The following TMEM91 variants were observed in gnomAD, a reference collection of about 807,000 sequenced individuals.
The protein encoded by TMEM91 is transmembrane protein 91.
TMEM91 carries 6 observed loss-of-function variants against 13.3 expected under a neutral mutation model. The observed-to-expected ratio is 0.45, with a 90% confidence interval of 0.25 to 0.89. TMEM91 has a LOEUF of 0.89. Among genes scored for constraint, TMEM91 ranks in the 40% least tolerant of loss-of-function variants. TMEM91 has a pLI of 0.19. For missense variants in TMEM91, 193 were observed against 228.7 expected (o/e 0.84, Z 1.01); for synonymous variants, 87 against 101.7 (o/e 0.86, Z 0.87).
Position 41,383,900 on chromosome 19 carries a change from C to T in TMEM91, c.*27C>T. The T allele has an allele frequency of 1.1e-5, 18 of 1,586,926 alleles. No individual in the cohort carries two copies. Among genetic ancestry groups the T allele is most frequent in the Non-Finnish European group, 1.5e-5 (18 of 1,169,636 alleles). ...TGCCCCTACAGCCCTCACTGTGAACCCTGAGGCCGGCAGCCCAGCAAATCT... is the reference window on the plus strand; with the variant it reads ...TGCCCCTACAGCCCTCACTGTGAACTCTGAGGCCGGCAGCCCAGCAAATCT... On this transcript the variant is annotated 3_prime_UTR_variant, in exon 4 of 4. Transcript: ENST00000392002.
At chr19:41,380,985 T>C (rs1211900193) in intron 2 of TMEM91, among the ~76,000 whole-genome samples, 1 of 137,886 alleles carries the variant, frequency 7.3e-6, no homozygotes, top group Non-Finnish European at 1.5e-5. Flanking sequence ...TTTGGGAGGC[T>C]GAGGCAGGAG....
intron 1 of TMEM91, among the ~76,000 whole-genome samples, chr19:41,365,720 T>G (rs1167358509): frequency 7.0e-6 from 1 of 143,658 alleles, no homozygotes; most frequent in Non-Finnish European, 1.5e-5. Flanking sequence ...TTTTTTTTTT[T>G]TTTTTTTTTT....
chr19:41,376,931 T>G (rs1169620715), intron 1 of TMEM91, 77 bp downstream of exon 1: 2 of 152,226 alleles, frequency 1.3e-5, no homozygotes, highest in African/African-American at 2.4e-5. Flanking sequence ...AGGGCAAAGC[T>G]TTGGCGAGGA....
chr19:41,368,471 T>G, intron 1 of TMEM91, among the ~76,000 whole-genome samples: 1 of 151,288 alleles, frequency 6.6e-6, no homozygotes, highest in Non-Finnish European at 1.5e-5. Flanking sequence ...TCTCGTTCTG[T>G]GGGCCAGGGC....
intron 1 of TMEM91, 25 bp downstream of exon 1, chr19:41,376,879 G>T (rs1427587648): frequency 6.6e-6 from 1 of 152,426 alleles, no homozygotes; most frequent in Non-Finnish European, 1.5e-5. Flanking sequence ...TAGGTGGGTG[G>T]GGGTCACAGT....
At chr19:41,373,882 C>A, upstream of TMEM91, 1 of 151,758 alleles carries the variant, frequency 6.6e-6, no homozygotes, top group South Asian at 2.1e-4. Flanking sequence ...TTTGCTATGT[C>A]GCCCAGGCTG....
intron 1 of TMEM91, among the ~76,000 whole-genome samples, chr19:41,367,695 A>G (rs916693992): frequency 6.6e-6 from 1 of 152,216 alleles, no homozygotes; most frequent in Admixed American, 6.5e-5. Flanking sequence ...GTGCAGTGGC[A>G]CAATCACAGC....
chr19:41,378,407 C>G lies in TMEM91; in HGVS notation c.98C>G (p.Ser33Cys). The G allele has an allele frequency of 6.2e-7, 1 of 1,614,212 alleles. No homozygotes were observed. The highest frequency in any genetic ancestry group is 1.1e-5 in the South Asian group (1 of 91,092). The change falls in exon 2 of 4, where the codon TCC (serine) becomes TGC (cysteine). Residue 33 changes from serine (S) to cysteine (C), a missense_variant. Coordinates refer to ENST00000392002, the MANE Select transcript of TMEM91 (RefSeq NM_001098821.2). Reference sequence around the variant, plus strand: ...AAGCCTGGCAGGCATGAGCTGGGGTCCCCCTTAAGAGAGATAGCCTTTGCC... The same window carrying G: ...AAGCCTGGCAGGCATGAGCTGGGGTGCCCCTTAAGAGAGATAGCCTTTGCC... ...AQKPGRHELG[S>C]PLREIAFAES...
chr19:41,366,327 T>C (rs2038527373), intron 1 of TMEM91, among the ~76,000 whole-genome samples: 1 of 152,100 alleles, frequency 6.6e-6, no homozygotes, highest in South Asian at 2.1e-4. Context: ...TCAGGAAATC[T>C]TACTGCCTCT....
chr19:41,379,892 T>TC, intron 2 of TMEM91, among the ~76,000 whole-genome samples: 1 of 142,452 alleles, frequency 7.0e-6, no homozygotes. Context: ...GGCTTCCTTT[T>TC]TTTTTTTTTT....
In TMEM91 at chr19:41,378,512, A is replaced by C. The variant is rs1458909129; in HGVS notation, c.203A>C (p.Asp68Ala). Residue 68 changes from aspartate to alanine, a missense_variant, in exon 2 of 4, where the codon GAT becomes GCT. Transcript: ENST00000392002. ...GGCCTGGGGGAACCAAGGCCCCCTG[A>C]TGTTGAGGTAGGAAACAGCAGGCCT... ...SAGLGEPRPP[D>A]VEDMSSSDSD... is the part of the protein sequence containing the mutation. The C allele has an allele frequency of 6.2e-7, 1 of 1,613,970 alleles. No individual in the cohort carries two copies. Among genetic ancestry groups the C allele is most frequent in the Middle Eastern group, 1.6e-4 (1 of 6,062 alleles).
chr19:41,375,068 C>A (rs1206076557), upstream of TMEM91, among the ~76,000 whole-genome samples: 1 of 152,008 alleles, frequency 6.6e-6, no homozygotes, highest in African/African-American at 2.4e-5. Flanking sequence ...TACCACGTGA[C>A]AATCAGAGCA....
chr19:41,366,091 G>A lies in TMEM91; in HGVS notation c.-30+1996G>A, dbSNP rs550130413. On this transcript the variant is annotated intron_variant, in intron 1 of 3. Coordinates refer to the TMEM91 transcript ENST00000413014. ...TTTTTTTGAGACAGAATCTTGCTCT[G>A]TTGCCCAGGCTGGAGTGAGCCTCTG... is the stretch of plus-strand genomic sequence containing the variant. Among the ~76,000 whole-genome samples the A allele has an allele frequency of 7.0e-3, 733 of 104,110 alleles. 3 individuals carry two copies. Among genetic ancestry groups the A allele is most frequent in the Non-Finnish European group, 0.01 (561 of 55,246 alleles). 68.3% of individuals were successfully genotyped at this position (104,110 alleles called of 152,430 possible).
upstream of TMEM91, among the ~76,000 whole-genome samples, chr19:41,371,985 A>G (rs1478572914): frequency 6.6e-6 from 1 of 151,660 alleles, no homozygotes; most frequent in Non-Finnish European, 1.5e-5. Context: ...CAGCCTCCCA[A>G]GTAGCTAGGA....
At chr19:41,369,712 G>A (rs565574085) in intron 1 of TMEM91, among the ~76,000 whole-genome samples, 7 of 151,782 alleles carry the variant, frequency 4.6e-5, no homozygotes, top group African/African-American at 1.7e-4. Flanking sequence ...GGAGGCTGAG[G>A]CACGAGAATC....
At chr19:41,371,783 A>G (rs568084139), upstream of TMEM91, among the ~76,000 whole-genome samples, 1 of 152,224 alleles carries the variant, frequency 6.6e-6, no homozygotes, top group East Asian at 1.9e-4. Context: ...GGAATCCTAC[A>G]GTATTTGTCC....
chr19:41,370,900 A>C (rs111870724), intron 1 of TMEM91, among the ~76,000 whole-genome samples: 5,046 of 147,022 alleles, frequency 0.034, 297 homozygotes, highest in African/African-American at 0.12. Flanking sequence ...ACAGGGTTTC[A>C]CCATGTTGGC....
intron 1 of TMEM91, among the ~76,000 whole-genome samples, chr19:41,364,656 A>G (rs754052170): frequency 5.9e-5 from 9 of 152,084 alleles, no homozygotes; most frequent in Non-Finnish European, 7.4e-5. Flanking sequence ...AGGAAGTTGG[A>G]TAAGTCCAAC....
At chr19:41,369,100 G>T (rs1334423892) in intron 1 of TMEM91, among the ~76,000 whole-genome samples, 1 of 152,126 alleles carries the variant, frequency 6.6e-6, no homozygotes, top group East Asian at 1.9e-4. Context: ...GGGCAACTGA[G>T]TGAGACCCTG....
Sources: gnomAD v4.1 joint callset for allele counts (sites outside exome capture counted in the v4.1 genomes callset) on GRCh38, gnomAD v4.1.1 for gene constraint, MANE v1.5 for transcripts, NCBI Gene and HGNC (gene_info 2026-07-23, HGNC 2026-07-21) for gene names.